Variants in MTUS2 observed in about 807,000 individuals in gnomAD.
MTUS2 encodes the protein microtubule-associated tumor suppressor candidate 2.
In MTUS2, 40 loss-of-function variants were observed where a neutral mutation model predicts 114.1. That is an observed-to-expected ratio of 0.35 (90% confidence interval 0.27 to 0.46). The LOEUF (loss-of-function observed/expected upper bound fraction) is 0.46, where lower values mean the gene tolerates loss of function less well. Among genes scored for constraint, MTUS2 ranks in the 20% least tolerant of loss-of-function variants. The pLI, the probability that MTUS2 is intolerant of heterozygous loss-of-function variation, is 1.00. For missense variants in MTUS2, 1,679 were observed against 1,705.4 expected, an observed-to-expected ratio of 0.98 and a Z score of 0.27; for synonymous variants, 688 against 672.0, an observed-to-expected ratio of 1.02 and a Z score of -0.37.
At chr13:29,371,389 T>G (rs1174241041) in intron 8 of MTUS2, among the ~76,000 whole-genome samples, 2 of 151,984 alleles carry the variant, frequency 1.3e-5, no homozygotes, top group African/African-American at 4.8e-5. Flanking sequence ...AACTAATTTT[T>G]GTATTTTTAG....
chr13:29,272,864 C>G (rs1363208458), intron 5 of MTUS2, among the ~76,000 whole-genome samples: 1 of 152,182 alleles, frequency 6.6e-6, no homozygotes, highest in Non-Finnish European at 1.5e-5. Flanking sequence ...TACTTTCTCA[C>G]AGTTCTGGAG....
chr13:29,296,322 T>A (rs1898942037), intron 6 of MTUS2, among the ~76,000 whole-genome samples: 1 of 152,042 alleles, frequency 6.6e-6, no homozygotes, highest in Non-Finnish European at 1.5e-5. Flanking sequence ...CTGGTGATCC[T>A]CCCACCTGAG....
chr13:29,258,775 C>T (rs1395798727), intron 5 of MTUS2, among the ~76,000 whole-genome samples: 1 of 152,090 alleles, frequency 6.6e-6, no homozygotes, highest in African/African-American at 2.4e-5. Flanking sequence ...CTGAGGGCTG[C>T]AGACTGACCC....
At chr13:29,464,047 C>T (rs1879714279) in intron 9 of MTUS2, among the ~76,000 whole-genome samples, 1 of 152,172 alleles carries the variant, frequency 6.6e-6, no homozygotes, top group Non-Finnish European at 1.5e-5. Context: ...GTGGAGATGG[C>T]GTGGTAGAGC....
At chr13:29,497,726 T>G in intron 13 of MTUS2, 1 of 197,400 alleles carries the variant, frequency 5.1e-6, no homozygotes, top group Non-Finnish European at 1.1e-5. Flanking sequence ...TGAGGGGAAT[T>G]TTTTCCAGAA....
chr13:29,044,890 C>T (rs1887544566), intron 4 of MTUS2, among the ~76,000 whole-genome samples: 1 of 152,168 alleles, frequency 6.6e-6, no homozygotes, highest in African/African-American at 2.4e-5. Flanking sequence ...GAGTCTATCT[C>T]ATGTGCTTGT....
chr13:28,856,470 G>A (rs1033097096), intron 2 of MTUS2, among the ~76,000 whole-genome samples: 3 of 152,148 alleles, frequency 2.0e-5, no homozygotes, highest in South Asian at 4.1e-4. Context: ...AGGGCCTGGC[G>A]CTTGGCTGAA....
At chr13:28,951,204 T>G (rs1593326787) in intron 2 of MTUS2, among the ~76,000 whole-genome samples, 1 of 152,260 alleles carries the variant, frequency 6.6e-6, no homozygotes, top group East Asian at 1.9e-4. Flanking sequence ...AAAATAATAC[T>G]TAGAAATTAA....
intron 8 of MTUS2, among the ~76,000 whole-genome samples, chr13:29,381,276 G>GT (rs1872187196): frequency 6.6e-6 from 1 of 152,186 alleles, no homozygotes; most frequent in Admixed American, 6.5e-5. Context: ...GTTTGCAACT[G>GT]TGGCAAGCAA....
At chr13:29,080,500 G>A (rs1290785416) in intron 4 of MTUS2, among the ~76,000 whole-genome samples, 2 of 152,184 alleles carry the variant, frequency 1.3e-5, no homozygotes, top group African/African-American at 4.8e-5. Context: ...GCAAGCTGAG[G>A]AGCAAGGAAG....
At chr13:28,979,654 A>AT (rs1174060605) in intron 2 of MTUS2, among the ~76,000 whole-genome samples, 5 of 152,242 alleles carry the variant, frequency 3.3e-5, no homozygotes, top group African/African-American at 1.2e-4. Flanking sequence ...GCTATCTTGG[A>AT]GTCAGTTCCA....
chr13:28,904,072 C>T (rs1566211145), intron 2 of MTUS2, among the ~76,000 whole-genome samples: 1 of 152,140 alleles, frequency 6.6e-6, no homozygotes, highest in Non-Finnish European at 1.5e-5. Flanking sequence ...TGAGAGGTGT[C>T]TGTTTATATC....
intron 8 of MTUS2, among the ~76,000 whole-genome samples, chr13:29,367,412 C>G (rs1012253930): frequency 6.6e-6 from 1 of 152,080 alleles, no homozygotes; most frequent in East Asian, 1.9e-4. Context: ...AGTTCAGGGC[C>G]TTGAATCTTA....
chr13:29,093,033 T>A (rs2138786101), intron 4 of MTUS2, among the ~76,000 whole-genome samples: 1 of 152,242 alleles, frequency 6.6e-6, no homozygotes. Context: ...CTTCCTAGCA[T>A]CAAAAGAGGG....
At chr13:28,989,043 A>C (rs1884706589) in intron 2 of MTUS2, among the ~76,000 whole-genome samples, 1 of 152,220 alleles carries the variant, frequency 6.6e-6, no homozygotes, top group African/African-American at 2.4e-5. Context: ...ACTAGCTTCT[A>C]ATCAAGAGAT....
chr13:29,486,521 A>C (rs1881628308), intron 10 of MTUS2, among the ~76,000 whole-genome samples: 1 of 152,214 alleles, frequency 6.6e-6, no homozygotes, highest in South Asian at 2.1e-4. Context: ...GAGGTGGCTG[A>C]ATATGACCAG....
At chr13:28,922,283 T>G (rs572191845) in intron 2 of MTUS2, among the ~76,000 whole-genome samples, 1 of 152,308 alleles carries the variant, frequency 6.6e-6, no homozygotes. Context: ...CCTTTTTTCT[T>G]TATAAGTTAC....
intron 6 of MTUS2, among the ~76,000 whole-genome samples, chr13:29,320,590 G>A (rs1418089305): frequency 1.3e-5 from 2 of 152,244 alleles, no homozygotes; most frequent in Non-Finnish European, 2.9e-5. Context: ...CCTGGCAGAG[G>A]ACAGGAGATC....
Position 29,186,150 on chromosome 13 carries a change from G to A in MTUS2, c.2644+85180G>A, listed in dbSNP as rs553329035. ...GATTGCCCAAGCCAGGGAGATAAAG[G>A]CTGCAGTGAGCTGTTATCTCACCAC... On this transcript the variant is annotated intron_variant, in intron 5 of 15. Coordinates refer to ENST00000612955, the MANE Select transcript of MTUS2 (RefSeq NM_001033602.4). 8.5e-5 allele frequency among the ~76,000 whole-genome samples: 13 copies of A among 152,314 alleles called. No homozygotes were observed. In the South Asian group the frequency reaches 2.7e-3, roughly 32 times the overall value.
Sources: gnomAD v4.1 joint callset for allele counts (sites outside exome capture counted in the v4.1 genomes callset) on GRCh38, gnomAD v4.1.1 for gene constraint, MANE v1.5 for transcripts, NCBI Gene and HGNC (gene_info 2026-07-23, HGNC 2026-07-21) for gene names.